Variants in GID4 observed in about 807,000 individuals in gnomAD.
GID4 encodes the protein GID complex subunit 4 homolog, also known as glucose-induced degradation protein 4 homolog.
In GID4, 7 loss-of-function variants were observed where a neutral mutation model predicts 32.4. That is an observed-to-expected ratio of 0.22 (90% CI 0.12 to 0.41). The LOEUF (loss-of-function observed/expected upper bound fraction) is 0.41, where lower values mean the gene tolerates loss of function less well. Ranked by LOEUF, GID4 falls within the 10% of genes least tolerant of loss-of-function variation. The probability of loss-of-function intolerance (pLI) is 1.00; values close to 1 mark genes in which losing one functional copy is unlikely to be tolerated. For missense variants in GID4, 309 were observed against 400.0 expected, an observed-to-expected ratio of 0.77 and a Z score of 1.94; for synonymous variants, 166 against 170.0, an observed-to-expected ratio of 0.98 and a Z score of 0.18.
chr17:18,045,269 G>A (rs2044841728), intron 2 of GID4, 63 bp downstream of exon 2: 1 of 1,345,494 alleles, frequency 7.4e-7, no homozygotes, highest in Non-Finnish European at 1.1e-6. Context: ...AGGCTCATTG[G>A]GGTTCAGGGC....
At position 18,039,698 on chromosome 17, in the gene GID4, T is replaced by G. The variant is rs1313953306; in HGVS notation, c.234T>G (p.Ala78=). The change falls in exon 1 of 6, where the codon GCT becomes GCG. Residue 78 remains alanine (A), a synonymous_variant. Coordinates refer to ENST00000268719, the MANE Select transcript of GID4 (RefSeq NM_024052.5). This position sits in a 1 kb window ranked among gnomAD's most constrained non-coding sequence, Gnocchi z 5.3. Reference sequence around the variant, plus strand: ...CTCTCCCACTCCCCCCAGCCCTGGCTCCGGGGGACCCCGCGATGCCGGTCC... The same window carrying G: ...CTCTCCCACTCCCCCCAGCCCTGGCGCCGGGGGACCCCGCGATGCCGGTCC... ...AVPLPLPPAL[A]PGDPAMPVRT... 2.0e-6 allele frequency: 3 copies of G among 1,465,298 alleles called. No individual in the cohort carries two copies. Among genetic ancestry groups the G allele is most frequent in the Non-Finnish European group, 2.7e-6 (3 of 1,107,172 alleles). The allele number at this position is 1,465,298 out of a possible 1,614,324, so 90.8% of individuals were successfully genotyped here.
Position 18,039,916 on chromosome 17 carries a change from C to A in GID4, c.438+14C>A. ...GTGGTGCTGCAGGTGAGCGCCGGGC[C>A]GGGCCGGGGCCCGAGGGCCTCCTCG... On this transcript the variant is annotated intron_variant, in intron 1 of 5. Transcript: ENST00000268719. This position sits in a 1 kb window ranked among gnomAD's most constrained non-coding sequence, Gnocchi z 5.3. The A allele has an allele frequency of 7.3e-7, 1 of 1,369,724 alleles. No homozygotes were observed. 84.8% of individuals were successfully genotyped at this position (1,369,724 alleles called of 1,614,324 possible). A position where few individuals can be genotyped will look rare whatever the true frequency, so the allele number is the denominator to read the frequency against.
rs1005472082 is a variant in GID4, at chr17:18,065,853, G to C, written c.*610G>C. On this transcript the variant is annotated 3_prime_UTR_variant, in exon 6 of 6. Transcript: ENST00000268719. The stretch of plus-strand genomic sequence containing the variant: ...AGCGTGCGCTGCTGAGCCCTGTACT[G>C]TTAACAGTGCAAAGCTAGTGAGTAG... The C allele has an allele frequency of 3.9e-5, 6 of 155,148 alleles. No individual in the cohort carries two copies. The highest frequency in any genetic ancestry group is 8.6e-5 in the Non-Finnish European group (6 of 69,950). The allele number at this position is 155,148 out of a possible 1,614,324, so 9.6% of individuals were successfully genotyped here.
chr17:18,047,666 A>G (rs1567585386), intron 2 of GID4, among the ~76,000 whole-genome samples: 1 of 152,218 alleles, frequency 6.6e-6, no homozygotes, highest in African/African-American at 2.4e-5. Flanking sequence ...CGATGAGCAC[A>G]TACCCTCCCC....
At chr17:18,047,710 A>T (rs546718717) in intron 2 of GID4, among the ~76,000 whole-genome samples, 1 of 152,300 alleles carries the variant, frequency 6.6e-6, no homozygotes, top group Admixed American at 6.5e-5. Context: ...CAATAAATAG[A>T]CCACGTTATG....
chr17:18,044,446 A>G (rs1028370142), intron 1 of GID4, among the ~76,000 whole-genome samples: 6 of 152,222 alleles, frequency 3.9e-5, no homozygotes, highest in African/African-American at 1.4e-4. Context: ...CTCAAAGTCT[A>G]CTATGCCTGT....
At chr17:18,059,037 A>T (rs17804843) in intron 4 of GID4, 68 bp downstream of exon 4, 46,976 of 859,178 alleles carry the variant, frequency 0.055, 1,583 homozygotes, top group Non-Finnish European at 0.067. Context: ...CTACATATTC[A>T]CTCTAACCAA....
At chr17:18,060,307 A>G (rs2045007317) in intron 4 of GID4, among the ~76,000 whole-genome samples, 1 of 146,678 alleles carries the variant, frequency 6.8e-6, no homozygotes. Flanking sequence ...CTGAGGCAGG[A>G]GAATCACTTG....
At chr17:18,062,842 G>A (rs987142577) in intron 5 of GID4, among the ~76,000 whole-genome samples, 47 of 152,034 alleles carry the variant, frequency 3.1e-4, no homozygotes, top group Middle Eastern at 3.4e-3. Flanking sequence ...TTGGGAGGCC[G>A]AGGCGGGTGG....
chr17:18,051,603 A>C (rs982111043), intron 2 of GID4, among the ~76,000 whole-genome samples: 2 of 150,652 alleles, frequency 1.3e-5, no homozygotes, highest in Admixed American at 6.7e-5. Context: ...TGAACCCGGG[A>C]GGCGGAGGTT....
intron 4 of GID4, among the ~76,000 whole-genome samples, chr17:18,059,189 G>A (rs953862370): frequency 3.9e-5 from 6 of 152,154 alleles, no homozygotes; most frequent in East Asian, 1.9e-4. Context: ...GCTCCTCCTC[G>A]CTGTGCTTTT....
intron 1 of GID4, among the ~76,000 whole-genome samples, chr17:18,043,642 G>C (rs2044823909): frequency 6.6e-6 from 1 of 152,208 alleles, no homozygotes; most frequent in Admixed American, 6.5e-5. Context: ...AGGCACTTTG[G>C]CTTCATTGAA....
chr17:18,058,153 T>C (rs1404946551), intron 3 of GID4, among the ~76,000 whole-genome samples: 1 of 152,222 alleles, frequency 6.6e-6, no homozygotes, highest in African/African-American at 2.4e-5. Context: ...TTTTTTGTTC[T>C]TGATATTTTT....
chr17:18,050,489 TG>T (rs773350655), intron 2 of GID4, among the ~76,000 whole-genome samples: 36 of 152,342 alleles, frequency 2.4e-4, no homozygotes, highest in Non-Finnish European at 4.0e-4. Flanking sequence ...TTGGGGGCCA[TG>T]GGCAGGCCCC....
rs765803641 is a variant in GID4, at chr17:18,054,267, G to T, written c.606+33G>T. 4 of 1,297,738 alleles carry T rather than the reference G, an allele frequency of 3.1e-6. No homozygotes were observed. In the South Asian group the frequency reaches 5.0e-5, roughly 16 times the overall value. 80.4% of individuals were successfully genotyped at this position (1,297,738 alleles called of 1,614,324 possible). On this transcript the variant is annotated intron_variant, in intron 3 of 5. Transcript: ENST00000268719. ...AATCTGATCTGTGCTGGGTCATCTA[G>T]GGGCTGCTAGAGAATTGAAGAAATG...
At chr17:18,043,651 A>C (rs935713592) in intron 1 of GID4, among the ~76,000 whole-genome samples, 1 of 152,202 alleles carries the variant, frequency 6.6e-6, no homozygotes, top group South Asian at 2.1e-4. Flanking sequence ...GGCTTCATTG[A>C]AGTTCATTTG....
intron 2 of GID4, among the ~76,000 whole-genome samples, chr17:18,053,072 A>G (rs994683794): frequency 7.0e-6 from 1 of 143,142 alleles, no homozygotes; most frequent in Non-Finnish European, 1.5e-5. Context: ...CTGGAGTGCA[A>G]TGGCGTGATC....
intron 3 of GID4, among the ~76,000 whole-genome samples, chr17:18,058,516 CG>C (rs1234218665): frequency 6.6e-6 from 1 of 152,186 alleles, no homozygotes; most frequent in Non-Finnish European, 1.5e-5. Context: ...TTTGCTACTT[CG>C]GATTTACTTG....
At chr17:18,060,576 G>A (rs1245461949) in intron 4 of GID4, among the ~76,000 whole-genome samples, 1 of 151,880 alleles carries the variant, frequency 6.6e-6, no homozygotes, top group Admixed American at 6.6e-5. Context: ...GTTTTGAGAC[G>A]GAATCTCACT....
Sources: allele counts gnomAD v4.1 joint callset (sites outside exome capture counted in the v4.1 genomes callset), GRCh38; gene constraint gnomAD v4.1.1; non-coding constraint Gnocchi (gnomAD v3.1); transcripts MANE v1.5; gene names NCBI Gene and HGNC (gene_info 2026-07-23, HGNC 2026-07-21).